FTCDNL1: variants seen among roughly 807,000 people sequenced by gnomAD.
FTCDNL1 encodes formiminotransferase cyclodeaminase N-terminal like.
In FTCDNL1, 11 loss-of-function variants were observed where a neutral mutation model predicts 5.9. The observed-to-expected ratio is 1.87, with a 90% confidence interval of 1.18 to 3.10. The LOEUF is 3.10. FTCDNL1 is among the 30% of genes most tolerant of loss of function. The pLI, the probability that FTCDNL1 is intolerant of heterozygous loss-of-function variation, is 0.00. For missense variants in FTCDNL1, 115 were observed against 65.5 expected, an observed-to-expected ratio of 1.76 and a Z score of -2.61; for synonymous variants, 58 against 24.8, an observed-to-expected ratio of 2.34 and a Z score of -3.99.
the FTCDNL1 span, among the ~76,000 whole-genome samples, chr2:199,701,299 T>TAAAAA: frequency 5.5e-5 from 4 of 72,384 alleles, no homozygotes; most frequent in African/African-American, 1.3e-4. Flanking sequence ...CTTGAAAGTT[T>TAAAAA]AAAAAAAAAA....
chr2:199,760,259 A>G (rs1275695361), downstream of FTCDNL1, among the ~76,000 whole-genome samples: 1 of 150,810 alleles, frequency 6.6e-6, no homozygotes, highest in Non-Finnish European at 1.5e-5. Context: ...AGGCAAAGCT[A>G]ATTACAAAGT....
Position 199,847,585 on chromosome 2 carries a change from T to A in FTCDNL1, c.115+1263A>T, listed in dbSNP as rs571328759. Among the ~76,000 whole-genome samples, 5 of 152,322 alleles carry A rather than the reference T, an allele frequency of 3.3e-5. No homozygotes were observed. The South Asian group carries it at 1.0e-3, about 32-fold the overall frequency. On this transcript the variant is annotated intron_variant, in intron 2 of 4. Coordinates refer to ENST00000420128, the MANE Select transcript of FTCDNL1 (RefSeq NM_001363886.2). ...TACTGCTGGCAAGAGGAGCTGTCAG[T>A]GTGAATCTCAGCAGAAGTAAATTGT...
chr2:199,779,409 C>G (rs1008274763), intron 3 of FTCDNL1, among the ~76,000 whole-genome samples: 1 of 152,158 alleles, frequency 6.6e-6, no homozygotes, highest in South Asian at 2.1e-4. Context: ...AATCAGGACA[C>G]AAACAAGTTA....
chr2:199,764,282 A>T (rs766441567), intron 3 of FTCDNL1, among the ~76,000 whole-genome samples: 2 of 152,334 alleles, frequency 1.3e-5, no homozygotes, highest in Non-Finnish European at 2.9e-5. Context: ...AATACTCACA[A>T]GGCAAGCACT....
the FTCDNL1 span, among the ~76,000 whole-genome samples, chr2:199,681,987 G>T: frequency 1.3e-5 from 2 of 151,794 alleles, no homozygotes; most frequent in South Asian, 4.2e-4. Flanking sequence ...AAAGGGAAAA[G>T]CAACACTCTT....
intron 3 of FTCDNL1, among the ~76,000 whole-genome samples, chr2:199,832,187 T>C (rs151121175): frequency 6.6e-6 from 1 of 152,340 alleles, no homozygotes; most frequent in Non-Finnish European, 1.5e-5. Flanking sequence ...CTGATATATT[T>C]ACCACTTTGT....
chr2:199,679,750 A>G, the FTCDNL1 span, among the ~76,000 whole-genome samples: 3 of 152,202 alleles, frequency 2.0e-5, no homozygotes, highest in Admixed American at 2.0e-4. Flanking sequence ...GTGTGAGATT[A>G]GGAATTTGGT....
At chr2:199,835,645 A>G (rs1489358249) in intron 3 of FTCDNL1, among the ~76,000 whole-genome samples, 4 of 152,194 alleles carry the variant, frequency 2.6e-5, no homozygotes, top group Admixed American at 2.6e-4. Context: ...TGACACTGGA[A>G]GCCACTATAA....
intron 3 of FTCDNL1, among the ~76,000 whole-genome samples, chr2:199,774,922 T>C (rs1698985836): frequency 6.6e-6 from 1 of 152,208 alleles, no homozygotes; most frequent in Non-Finnish European, 1.5e-5. Context: ...AGCCATTCAA[T>C]TCCATCATCC....
At chr2:199,824,114 T>A (rs760745556) in intron 3 of FTCDNL1, among the ~76,000 whole-genome samples, 44 of 152,212 alleles carry the variant, frequency 2.9e-4, no homozygotes, top group Non-Finnish European at 3.8e-4. Context: ...ATGGCCAGCC[T>A]ACCTTCATCC....
chr2:199,778,003 A>G (rs1699179066), intron 3 of FTCDNL1, among the ~76,000 whole-genome samples: 1 of 152,214 alleles, frequency 6.6e-6, no homozygotes, highest in Admixed American at 6.5e-5. Flanking sequence ...TAACGATAGA[A>G]GTAGAGAACC....
chr2:199,737,668 G>A, the FTCDNL1 span, among the ~76,000 whole-genome samples: 5 of 152,304 alleles, frequency 3.3e-5, no homozygotes, highest in South Asian at 1.0e-3. Context: ...TGTGTCTCCT[G>A]GGCACAGAGC....
At chr2:199,703,893 A>C in the FTCDNL1 span, among the ~76,000 whole-genome samples, 1 of 152,170 alleles carries the variant, frequency 6.6e-6, no homozygotes, top group Non-Finnish European at 1.5e-5. Context: ...AAATGATAGA[A>C]TTACCCTCCC....
intron 3 of FTCDNL1, among the ~76,000 whole-genome samples, chr2:199,768,045 T>C (rs1574453985): frequency 6.6e-6 from 1 of 152,240 alleles, no homozygotes; most frequent in African/African-American, 2.4e-5. Context: ...TTAGCCCATT[T>C]CTAGGCTTGA....
intron 3 of FTCDNL1, among the ~76,000 whole-genome samples, chr2:199,799,187 G>C (rs1157862177): frequency 3.3e-5 from 5 of 152,014 alleles, no homozygotes; most frequent in Non-Finnish European, 7.4e-5. Context: ...TTCAACAACT[G>C]GTTTCTTTTC....
intron 3 of FTCDNL1, among the ~76,000 whole-genome samples, chr2:199,794,433 T>C (rs1241818960): frequency 6.6e-6 from 1 of 152,232 alleles, no homozygotes; most frequent in Non-Finnish European, 1.5e-5. Flanking sequence ...ACGTTTCTAC[T>C]TCTCTATGGT....
At chr2:199,670,650 A>G in the FTCDNL1 span, among the ~76,000 whole-genome samples, 6 of 152,102 alleles carry the variant, frequency 3.9e-5, no homozygotes, top group African/African-American at 1.2e-4. Flanking sequence ...CAGACTTTGT[A>G]TGTATGTATA....
chr2:199,801,420 G>A (rs927714821), intron 3 of FTCDNL1, among the ~76,000 whole-genome samples: 6 of 152,090 alleles, frequency 3.9e-5, no homozygotes, highest in African/African-American at 9.7e-5. Context: ...GCCCAAGCAG[G>A]TAGATTTCTT....
intron 3 of FTCDNL1, among the ~76,000 whole-genome samples, chr2:199,763,937 G>A (rs1192531449): frequency 6.6e-6 from 1 of 152,142 alleles, no homozygotes; most frequent in East Asian, 1.9e-4. Flanking sequence ...CACCTCCCGG[G>A]TTCAATCAAT....
Sources: gnomAD v4.1 joint callset for allele counts (sites outside exome capture counted in the v4.1 genomes callset) on GRCh38, gnomAD v4.1.1 for gene constraint, MANE v1.5 for transcripts, NCBI Gene and HGNC (gene_info 2026-07-23, HGNC 2026-07-21) for gene names.